The following F8 variants were observed in gnomAD, a reference collection of about 807,000 sequenced individuals.
The protein encoded by F8 is antihemophilic factor.
A neutral mutation model predicts 140.6 loss-of-function variants in F8; 12 were observed. The observed-to-expected ratio is 0.09, with a 90% confidence interval of 0.05 to 0.14. F8 has a LOEUF of 0.14. Among genes scored for constraint, F8 ranks in the 10% least tolerant of loss-of-function variants. The pLI is 1.00. For missense variants in F8, 1,354 were observed against 1,720.7 expected, an observed-to-expected ratio of 0.79 and a Z score of 3.77; for synonymous variants, 585 against 614.6, an observed-to-expected ratio of 0.95 and a Z score of 0.71.
intron 22 of F8, among the ~76,000 whole-genome samples, chrX:154,893,476 C>T (rs2072959803): frequency 8.9e-6 from 1 of 112,398 alleles, no homozygotes; most frequent in South Asian, 3.7e-4. Context: ...AAAATGACCA[C>T]CAATTATTTA....
At chrX:155,021,041 T>G (rs782030133) in intron 1 of F8, among the ~76,000 whole-genome samples, 1 of 112,201 alleles carries the variant, frequency 8.9e-6, no homozygotes, top group Non-Finnish European at 1.9e-5. Context: ...AAAACTGGAA[T>G]AAAGTGAACA....
chrX:154,920,887 C>G (rs377471457), intron 14 of F8, among the ~76,000 whole-genome samples: 30 of 111,887 alleles, frequency 2.7e-4, no homozygotes, highest in African/African-American at 9.4e-4. Flanking sequence ...TTAATTTACC[C>G]ACTGCCATTA....
intron 25 of F8, among the ~76,000 whole-genome samples, chrX:154,845,644 T>A (rs1557271693): frequency 9.0e-6 from 1 of 111,674 alleles, no homozygotes; most frequent in Non-Finnish European, 1.9e-5. Flanking sequence ...TGATATCCCC[T>A]TTATCATTTT....
At chrX:154,992,890 A>T in intron 4 of F8, 46 bp downstream of exon 4, 1 of 1,111,359 alleles carries the variant, frequency 9.0e-7, no homozygotes, top group Non-Finnish European at 1.2e-6. Context: ...AGTTGTTTGT[A>T]CTTCTCTGCT....
At chrX:154,845,544 T>C (rs1174407675) in intron 25 of F8, among the ~76,000 whole-genome samples, 1 of 111,276 alleles carries the variant, frequency 9.0e-6, no homozygotes, top group Non-Finnish European at 1.9e-5. Context: ...TCCAGGAATT[T>C]ATCCATTTCT....
chrX:154,839,597 C>T (rs1188894526), intron 25 of F8, among the ~76,000 whole-genome samples: 2 of 110,657 alleles, frequency 1.8e-5, no homozygotes, highest in Non-Finnish European at 3.8e-5. Context: ...CTCCTGACCT[C>T]GTGATCCACC....
intron 5 of F8, among the ~76,000 whole-genome samples, chrX:154,987,020 G>A (rs1557284291): frequency 8.9e-6 from 1 of 111,876 alleles, no homozygotes; most frequent in African/African-American, 3.2e-5. Context: ...TTAATGAGGG[G>A]GATGAGGCCA....
At chrX:154,873,563 G>A (rs2072791206) in intron 22 of F8, among the ~76,000 whole-genome samples, 1 of 111,997 alleles carries the variant, frequency 8.9e-6, no homozygotes. Flanking sequence ...AACAAAGCTA[G>A]AGGCATCATA....
intron 6 of F8, among the ~76,000 whole-genome samples, chrX:154,972,707 CTTTTTTTTT>C (rs1184930129): frequency 5.4e-5 from 3 of 55,266 alleles, no homozygotes; most frequent in South Asian, 1.3e-3. Context: ...TTCTGTCTTT[CTTTTTTTTT>C]TTTTTTTTTT....
rs28370202 is a variant in F8, at chrX:154,996,859, C to T, written c.388+114G>A. 1,173 of 807,997 alleles carry T rather than the reference C, an allele frequency of 1.5e-3. 6 individuals carry two copies. In the African/African-American group the frequency reaches 0.02, roughly 14 times the overall value. The allele number at this position is 807,997 out of a possible 1,213,427, so 66.6% of individuals were successfully genotyped here. ...ATAATCTAGTAAATGTTAAGAAATACACATAATGTTCAGTTAGGACCTTAA... is the reference window on the plus strand; with the variant it reads ...ATAATCTAGTAAATGTTAAGAAATATACATAATGTTCAGTTAGGACCTTAA... On this transcript the variant is annotated intron_variant, in intron 3 of 25. Transcript: ENST00000360256.
At chrX:154,953,716 T>C (rs1474787961) in intron 12 of F8, among the ~76,000 whole-genome samples, 176 bp downstream of exon 12, 1 of 112,219 alleles carries the variant, frequency 8.9e-6, no homozygotes, top group African/African-American at 3.2e-5. Context: ...GGTGACTGGA[T>C]TTTTAAAATA....
At chrX:154,957,846 A>C (rs1289320568) in intron 10 of F8, among the ~76,000 whole-genome samples, 27 of 103,036 alleles carry the variant, frequency 2.6e-4, no homozygotes, top group Non-Finnish European at 2.6e-4. Context: ...ATGCCAATGC[A>C]CTCCAGCCTG....
At chrX:154,937,492 C>T (rs1203272716) in intron 13 of F8, among the ~76,000 whole-genome samples, 7 of 108,079 alleles carry the variant, frequency 6.5e-5, no homozygotes, top group African/African-American at 1.3e-4. Flanking sequence ...TGGGTGCAGG[C>T]GATAAACTTA....
chrX:154,963,537 C>T (rs2073407558), intron 9 of F8, among the ~76,000 whole-genome samples: 1 of 111,799 alleles, frequency 8.9e-6, no homozygotes, highest in Non-Finnish European at 1.9e-5. Flanking sequence ...TTTATAGCAG[C>T]ATGATTTATA....
chrX:154,995,784 G>T (rs1463919751), intron 3 of F8, among the ~76,000 whole-genome samples: 2 of 112,209 alleles, frequency 1.8e-5, no homozygotes, highest in African/African-American at 6.5e-5. Context: ...AACAATGAAT[G>T]AGATATTTTT....
intron 1 of F8, among the ~76,000 whole-genome samples, chrX:155,012,984 T>A (rs2073714374): frequency 9.3e-6 from 1 of 107,219 alleles, no homozygotes; most frequent in South Asian, 4.1e-4. Context: ...GTCTCTACTA[T>A]CAGTATAAAA....
intron 12 of F8, among the ~76,000 whole-genome samples, chrX:154,948,143 G>A (rs2073316879): frequency 9.0e-6 from 1 of 111,005 alleles, no homozygotes; most frequent in Non-Finnish European, 1.9e-5. Context: ...GTTATATGGG[G>A]GGCATTTTGA....
chrX:154,933,145 A>C, intron 13 of F8, among the ~76,000 whole-genome samples: 1 of 111,992 alleles, frequency 8.9e-6, no homozygotes, highest in South Asian at 3.7e-4. Flanking sequence ...AAACATTATA[A>C]TTAATTCATA....
intron 14 of F8, chrX:154,909,068 C>A: frequency 3.7e-6 from 1 of 271,246 alleles, no homozygotes. Context: ...GCCATATTGC[C>A]ATGATAAACA....
Sources: gnomAD v4.1 joint callset for allele counts (sites outside exome capture counted in the v4.1 genomes callset) on GRCh38, gnomAD v4.1.1 for gene constraint, MANE v1.5 for transcripts, NCBI Gene and HGNC (gene_info 2026-07-23, HGNC 2026-07-21) for gene names.